The following POLD3 variants were observed in gnomAD, a reference collection of about 807,000 sequenced individuals.
POLD3 encodes the protein DNA polymerase delta 3, accessory subunit.
POLD3 carries 19 observed loss-of-function variants against 58.2 expected under a neutral mutation model. The ratio of observed to expected loss-of-function variants is 0.33; its 90% CI spans 0.23 to 0.48. POLD3 has a LOEUF of 0.48. Ranked by LOEUF, POLD3 falls within the 20% of genes least tolerant of loss-of-function variation. POLD3 has a pLI of 0.99. For missense variants in POLD3, 504 were observed against 545.5 expected (o/e 0.92, Z 0.76); for synonymous variants, 172 against 193.5 (o/e 0.89, Z 0.92).
chr11:74,614,324 G>A (rs752966876), intron 5 of POLD3, among the ~76,000 whole-genome samples: 33 of 152,192 alleles, frequency 2.2e-4, no homozygotes, highest in Admixed American at 5.9e-4. Context: ...GAGAAATGTG[G>A]CAGTAATCCA....
Position 74,641,349 on chromosome 11 carries a change from G to A in POLD3, c.*583G>A, listed in dbSNP as rs940382859. On this transcript the variant is annotated 3_prime_UTR_variant, in exon 12 of 12. Transcript: ENST00000263681. The stretch of plus-strand genomic sequence containing the variant: ...CCTCTTCCTCCATTATGCAGTACAC[G>A]GACACCTGGCTACAGACCAGGACGT... 5 of 985,238 alleles carry A rather than the reference G, an allele frequency of 5.1e-6. No homozygotes were observed. The highest frequency in any genetic ancestry group is 1.7e-5 in the African/African-American group (1 of 57,188). The allele number at this position is 985,238 out of a possible 1,614,324, so 61.0% of individuals were successfully genotyped here.
At chr11:74,610,086 T>C (rs2031855323) in intron 3 of POLD3, among the ~76,000 whole-genome samples, 1 of 152,264 alleles carries the variant, frequency 6.6e-6, no homozygotes, top group South Asian at 2.1e-4. Context: ...AATATCACTC[T>C]GCTTCTTGTT....
intron 6 of POLD3, among the ~76,000 whole-genome samples, chr11:74,619,227 T>G (rs1354405996): frequency 6.6e-6 from 1 of 152,232 alleles, no homozygotes; most frequent in African/African-American, 2.4e-5. Context: ...TGCAGGTTTT[T>G]TTGTTTTGTT....
At chr11:74,663,781 T>C (rs1345280235) in intron 4 of POLD3, among the ~76,000 whole-genome samples, 2 of 152,118 alleles carry the variant, frequency 1.3e-5, no homozygotes, top group Non-Finnish European at 2.9e-5. Context: ...ATTTAAACCT[T>C]CTGCTAAGCA....
Position 74,640,571 on chromosome 11 carries a change from A to G in POLD3, c.1206A>G (p.Glu402=), listed in dbSNP as rs749702725. The G allele has an allele frequency of 2.0e-6, 3 of 1,527,844 alleles. No homozygotes were observed. The highest frequency in any genetic ancestry group is 2.6e-6 in the Non-Finnish European group (3 of 1,139,972). 94.6% of individuals were successfully genotyped at this position (1,527,844 alleles called of 1,614,324 possible). A position where few individuals can be genotyped will look rare whatever the true frequency, so the allele number is the denominator to read the frequency against. Residue 402 remains glutamate (E), a synonymous_variant, in exon 12 of 12, where the codon GAA becomes GAG. Transcript: ENST00000263681. The part of the protein sequence containing the change: ...YLDGEGCIVT[E]KVYESESCTD... ...TTTTTCTCATCCTACCAGTGACTGA[A>G]AAAGTCTACGAGAGTGAATCCTGCA...
At chr11:74,628,022 T>G (rs11236177) in intron 8 of POLD3, among the ~76,000 whole-genome samples, 1 of 152,108 alleles carries the variant, frequency 6.6e-6, no homozygotes, top group East Asian at 1.9e-4. Context: ...AGGTTTTTAT[T>G]GTGAATTTGA....
downstream of POLD3, among the ~76,000 whole-genome samples, chr11:74,646,262 C>T (rs1038533351): frequency 1.3e-5 from 2 of 152,118 alleles, no homozygotes; most frequent in African/African-American, 2.4e-5. Flanking sequence ...TGTGAGCCAC[C>T]GCGCCCGGCC....
chr11:74,597,534 C>T (rs1475372663), intron 2 of POLD3, among the ~76,000 whole-genome samples: 2 of 152,206 alleles, frequency 1.3e-5, no homozygotes, highest in Non-Finnish European at 2.9e-5. Context: ...AATTTTGGCT[C>T]ACTGCAACTT....
intron 4 of POLD3, among the ~76,000 whole-genome samples, chr11:74,664,571 C>T (rs2033243354): frequency 6.6e-6 from 1 of 152,040 alleles, no homozygotes; most frequent in South Asian, 2.1e-4. Context: ...GACACCAAAA[C>T]CAGACAAAGA....
rs756462839 is a variant in POLD3, at chr11:74,625,457, A to C, written c.783A>C (p.Lys261Asn). The C allele has an allele frequency of 6.2e-7, 1 of 1,613,540 alleles. No homozygotes were observed. The highest frequency in any genetic ancestry group is 1.7e-5 in the Admixed American group (1 of 59,966). Reference sequence around the variant, plus strand: ...CAGAACAAGCAGTGAAAGAAGAAAAAATAGTGGAGCAGCCTACAGTGTCTG... The same window carrying C: ...CAGAACAAGCAGTGAAAGAAGAAAACATAGTGGAGCAGCCTACAGTGTCTG... ...LDSEQAVKEE[K>N]IVEQPTVSVT... The change falls in exon 8 of 12, where the codon AAA (lysine) becomes AAC (asparagine). Residue 261 changes from lysine to asparagine, a missense_variant. Transcript: ENST00000263681.
In POLD3 at chr11:74,634,761, A is replaced by T. The variant is rs2135175559; in HGVS notation, c.1119+66A>T. On this transcript the variant is annotated intron_variant, in intron 10 of 11. Coordinates refer to ENST00000263681, the MANE Select transcript of POLD3 (RefSeq NM_006591.3). ...TGTGTCTTAAGGACCTACAACCACT[A>T]TGCTAAATTAGTTCCCTTGCTGTAT... 3 of 894,246 alleles carry T rather than the reference A, an allele frequency of 3.4e-6. No homozygotes were observed. The East Asian group carries it at 7.4e-5, about 22-fold the overall frequency. The allele number at this position is 894,246 out of a possible 1,614,324, so 55.4% of individuals were successfully genotyped here.
At chr11:74,596,270 G>A (rs1167789414) in intron 2 of POLD3, among the ~76,000 whole-genome samples, 6 of 147,566 alleles carry the variant, frequency 4.1e-5, no homozygotes, top group African/African-American at 7.5e-5. Flanking sequence ...TGCAACCTCC[G>A]CCTCCCTGGT....
intron 2 of POLD3, 112 bp downstream of exon 2, chr11:74,594,228 C>A: frequency 1.5e-6 from 1 of 683,698 alleles, no homozygotes. Flanking sequence ...ATTTGGTTTG[C>A]TGGCAATCAT....
chr11:74,604,251 G>A (rs1027263358), intron 2 of POLD3, among the ~76,000 whole-genome samples: 3 of 152,158 alleles, frequency 2.0e-5, no homozygotes, highest in Admixed American at 1.3e-4. Flanking sequence ...ATGGCCACCT[G>A]AATCCCAGGT....
At chr11:74,611,019 C>T (rs567056937) in intron 3 of POLD3, among the ~76,000 whole-genome samples, 4 of 152,316 alleles carry the variant, frequency 2.6e-5, no homozygotes, top group African/African-American at 7.2e-5. Context: ...AGGTGATCCA[C>T]CCACTTCGGC....
intron 4 of POLD3, among the ~76,000 whole-genome samples, chr11:74,657,148 AT>A (rs2033147007): frequency 6.8e-6 from 1 of 147,054 alleles, no homozygotes; most frequent in Non-Finnish European, 1.5e-5. Context: ...CCATCCCTTT[AT>A]TTTCAGTCTT....
At chr11:74,613,144 GT>G (rs1174610117) in intron 5 of POLD3, 134 bp downstream of exon 5, 33 of 770,114 alleles carry the variant, frequency 4.3e-5, no homozygotes, top group East Asian at 3.8e-4. Context: ...AACATGCCTG[GT>G]TTTATTAGTA....
intron 4 of POLD3, among the ~76,000 whole-genome samples, chr11:74,651,385 A>G (rs1438357050): frequency 6.6e-6 from 1 of 152,200 alleles, no homozygotes; most frequent in East Asian, 1.9e-4. Flanking sequence ...TCATTCATTT[A>G]ACAAATTACC....
rs2032899627 is a variant in POLD3, at chr11:74,641,007, C to G, written c.*241C>G. The G allele has an allele frequency of 8.6e-7, 1 of 1,161,402 alleles. No homozygotes were observed. The highest frequency in any genetic ancestry group is 1.1e-6 in the Non-Finnish European group (1 of 943,794). 71.9% of individuals were successfully genotyped at this position (1,161,402 alleles called of 1,614,324 possible). A position where few individuals can be genotyped will look rare whatever the true frequency, so the allele number is the denominator to read the frequency against. On this transcript the variant is annotated 3_prime_UTR_variant, in exon 12 of 12. Coordinates refer to ENST00000263681, the MANE Select transcript of POLD3 (RefSeq NM_006591.3). ...TTAAAAAGCACAGTCTTTGACCTGT[C>G]CAGGAGAAGGATTTACTCCAAAATT...
Sources: allele counts gnomAD v4.1 joint callset (sites outside exome capture counted in the v4.1 genomes callset), GRCh38; gene constraint gnomAD v4.1.1; transcripts MANE v1.5; gene names NCBI Gene and HGNC (gene_info 2026-07-23, HGNC 2026-07-21).